TMEM243: variants seen among roughly 807,000 people sequenced by gnomAD.
TMEM243 encodes the protein transmembrane protein 243, also known as MDR1 and mitochondrial taxol resistance associated.
TMEM243 carries 20 observed loss-of-function variants against 15.0 expected under a neutral mutation model. The ratio of observed to expected loss-of-function variants is 1.33; its 90% CI spans 0.94 to 1.93. TMEM243 has a LOEUF of 1.93. TMEM243 is among the 30% of genes most tolerant of loss of function. The probability of loss-of-function intolerance (pLI) is 0.00; values close to 1 mark genes in which losing one functional copy is unlikely to be tolerated. For missense variants in TMEM243, 156 were observed against 142.1 expected (o/e 1.10, Z -0.50); for synonymous variants, 72 against 52.7 (o/e 1.37, Z -1.59).
intron 1 of TMEM243, 23 bp from the exon 2 acceptor site, chr7:87,199,080 A>C (rs910877519): frequency 5.6e-6 from 9 of 1,597,968 alleles, no homozygotes; most frequent in Non-Finnish European, 6.8e-6. Context: ...AGAATTTTTA[A>C]GCCATATGAC....
chr7:87,198,237 C>T (rs1801511406), intron 2 of TMEM243, 192 bp from the exon 3 acceptor site: 1 of 482,752 alleles, frequency 2.1e-6, no homozygotes, highest in Non-Finnish European at 3.6e-6. Flanking sequence ...CTTTTCTAAA[C>T]TTTCCCTTAC....
chr7:87,205,903 C>A (rs1802185783), intron 1 of TMEM243, among the ~76,000 whole-genome samples: 1 of 152,246 alleles, frequency 6.6e-6, no homozygotes, highest in South Asian at 2.1e-4. Flanking sequence ...TACAGCAGCA[C>A]CCCACTCCTG....
At chr7:87,201,164 A>T (rs1044219543) in intron 1 of TMEM243, among the ~76,000 whole-genome samples, 22 of 152,232 alleles carry the variant, frequency 1.4e-4, no homozygotes, top group Admixed American at 1.2e-3. Flanking sequence ...CGGACATGGC[A>T]GAAGTGTTTC....
chr7:87,204,111 TGA>T (rs1802027779), intron 1 of TMEM243, among the ~76,000 whole-genome samples: 1 of 151,834 alleles, frequency 6.6e-6, no homozygotes, highest in African/African-American at 2.4e-5. Context: ...AGAGAGAAAA[TGA>T]GAGCCAAGCA....
In TMEM243 at chr7:87,196,660, C is replaced by T; in HGVS notation, c.333G>A (p.Leu111=). Reference sequence around the variant, plus strand: ...CTCACCTTCCCACATCATGGAAGTACAGGTTTGCACATATACACAACATGA... The same window carrying T: ...CTCACCTTCCCACATCATGGAAGTATAGGTTTGCACATATACACAACATGA... ...SIIMLCICAN[L]YFHDVGR is the part of the protein sequence containing the mutation. Residue 111 remains leucine (L), a synonymous_variant, in exon 4 of 4, where the codon CTG becomes CTA. Coordinates refer to ENST00000257637, the MANE Select transcript of TMEM243 (RefSeq NM_024315.4). 6.2e-7 allele frequency: 1 copy of T among 1,608,502 alleles called. No homozygotes were observed. Among genetic ancestry groups the T allele is most frequent in the African/African-American group, 1.3e-5 (1 of 74,586 alleles).
chr7:87,210,089 G>A (rs971778401), intron 1 of TMEM243, among the ~76,000 whole-genome samples: 5 of 150,950 alleles, frequency 3.3e-5, no homozygotes, highest in Non-Finnish European at 7.4e-5. Flanking sequence ...GAGCGGGGAA[G>A]CGTGTGGGAG....
chr7:87,219,978 C>T (rs1257190067), upstream of TMEM243, among the ~76,000 whole-genome samples: 1 of 152,232 alleles, frequency 6.6e-6, no homozygotes, highest in African/African-American at 2.4e-5. Context: ...CAATTTTCTA[C>T]GGTAAGCACG....
intron 1 of TMEM243, among the ~76,000 whole-genome samples, chr7:87,218,886 T>C (rs117182917): frequency 1.1e-3 from 163 of 152,308 alleles, no homozygotes; most frequent in Admixed American, 5.7e-3. Context: ...TAACGTATGG[T>C]AGCCTGTTCA....
chr7:87,214,062 A>G (rs540628705), intron 1 of TMEM243, among the ~76,000 whole-genome samples: 1 of 152,352 alleles, frequency 6.6e-6, no homozygotes, highest in South Asian at 2.1e-4. Context: ...GGGCTGATTT[A>G]GAAACTCGTT....
chr7:87,209,622 G>C (rs1405242556), intron 1 of TMEM243, among the ~76,000 whole-genome samples: 2 of 147,038 alleles, frequency 1.4e-5, no homozygotes, highest in Non-Finnish European at 3.0e-5. Context: ...CAGAGAGAGA[G>C]ACTGAGATAG....
intron 1 of TMEM243, among the ~76,000 whole-genome samples, chr7:87,207,855 C>A (rs1189285797): frequency 2.0e-5 from 3 of 152,180 alleles, no homozygotes; most frequent in East Asian, 1.9e-4. Flanking sequence ...AAGTGTCCTC[C>A]TCTGTCAGAC....
At chr7:87,199,296 G>A in intron 1 of TMEM243, 1 of 425,472 alleles carries the variant, frequency 2.4e-6, no homozygotes, top group Non-Finnish European at 4.2e-6. Context: ...TTATACTAGA[G>A]TCTTGATTGG....
chr7:87,203,072 C>T (rs913918038), intron 1 of TMEM243: 2 of 152,392 alleles, frequency 1.3e-5, no homozygotes, highest in African/African-American at 4.8e-5. Context: ...TAACCAAAAG[C>T]TAGCTCTGCC....
chr7:87,213,199 C>A (rs1443095573), intron 1 of TMEM243, among the ~76,000 whole-genome samples: 9 of 152,240 alleles, frequency 5.9e-5, no homozygotes, highest in African/African-American at 2.2e-4. Flanking sequence ...GCACCAGCAT[C>A]CCCTGAGGAC....
chr7:87,198,648 A>G (rs901253433), intron 2 of TMEM243: 4 of 297,820 alleles, frequency 1.3e-5, no homozygotes, highest in Non-Finnish European at 2.5e-5. Flanking sequence ...ACTGTGACCA[A>G]ATCTTTTAAA....
intron 1 of TMEM243, among the ~76,000 whole-genome samples, chr7:87,201,254 C>T (rs1356774348): frequency 6.6e-6 from 1 of 152,200 alleles, no homozygotes; most frequent in Non-Finnish European, 1.5e-5. Flanking sequence ...CAGAAGCCCT[C>T]CTACTTCTAA....
chr7:87,204,163 A>G (rs1395040573), intron 1 of TMEM243, among the ~76,000 whole-genome samples: 2 of 152,134 alleles, frequency 1.3e-5, no homozygotes, highest in African/African-American at 2.4e-5. Context: ...ATCTTGTGAG[A>G]CTCATTCACT....
At chr7:87,198,968 G>T in intron 2 of TMEM243, 39 bp downstream of exon 2, 5 of 1,529,366 alleles carry the variant, frequency 3.3e-6, no homozygotes, top group Non-Finnish European at 4.4e-6. Context: ...TTCAAAACTG[G>T]CTAAGAGCCT....
At chr7:87,213,639 T>C (rs1022153732) in intron 1 of TMEM243, among the ~76,000 whole-genome samples, 1 of 152,244 alleles carries the variant, frequency 6.6e-6, no homozygotes, top group African/African-American at 2.4e-5. Context: ...TCCTTGTTCT[T>C]AAATAAGCGA....
Sources: gnomAD v4.1 joint callset for allele counts (sites outside exome capture counted in the v4.1 genomes callset) on GRCh38, gnomAD v4.1.1 for gene constraint, MANE v1.5 for transcripts, NCBI Gene and HGNC (gene_info 2026-07-23, HGNC 2026-07-21) for gene names.